Variants in KRAS observed in about 807,000 individuals in gnomAD.
The protein encoded by KRAS is KRas proto-oncogene, GTPase, also known as GTPase KRas.
A neutral mutation model predicts 21.0 loss-of-function variants in KRAS; 1 was observed. The ratio of observed to expected loss-of-function variants is 0.05; its 90% CI spans 0.02 to 0.23. The LOEUF (loss-of-function observed/expected upper bound fraction) is 0.23, where lower values mean the gene tolerates loss of function less well. Among genes scored for constraint, KRAS ranks in the 10% least tolerant of loss-of-function variants. The pLI is 1.00. For missense variants in KRAS, 107 were observed against 221.8 expected (o/e 0.48, Z 3.29); for synonymous variants, 67 against 72.5 (o/e 0.92, Z 0.39).
chr12:25,247,584 C>T (rs1951700750), intron 1 of KRAS, among the ~76,000 whole-genome samples: 1 of 152,172 alleles, frequency 6.6e-6, no homozygotes, highest in South Asian at 2.1e-4. Context: ...ACCCCAACCT[C>T]CCCCCAACCA....
chr12:25,217,027 T>C (rs1338010564), intron 4 of KRAS, among the ~76,000 whole-genome samples: 1 of 152,234 alleles, frequency 6.6e-6, no homozygotes, highest in African/African-American at 2.4e-5. Context: ...AATTTGGGGA[T>C]TGGCATACAT....
chr12:25,216,683 A>G (rs12822857), intron 4 of KRAS, among the ~76,000 whole-genome samples: 74,874 of 151,994 alleles, frequency 0.49, 19,385 homozygotes, highest in East Asian at 0.8. Flanking sequence ...CTTAAACATA[A>G]GAGAGCTATG....
intron 2 of KRAS, among the ~76,000 whole-genome samples, chr12:25,229,313 T>A (rs933331140): frequency 1.3e-5 from 2 of 152,196 alleles, no homozygotes; most frequent in African/African-American, 4.8e-5. Context: ...ATGCATCTAT[T>A]TTATCTATAG....
intron 2 of KRAS, among the ~76,000 whole-genome samples, chr12:25,229,729 T>C (rs1262349233): frequency 6.6e-6 from 1 of 151,854 alleles, no homozygotes. Flanking sequence ...AAAGCAATTA[T>C]TTTCTTAATG....
intron 4 of KRAS, among the ~76,000 whole-genome samples, chr12:25,216,101 T>C (rs922353617): frequency 4.6e-5 from 7 of 152,194 alleles, no homozygotes; most frequent in Non-Finnish European, 1.0e-4. Context: ...ATCTTAAATT[T>C]TAACACCTTT....
At chr12:25,225,579 G>A (rs758076686) in intron 4 of KRAS, 35 bp downstream of exon 4, 13 of 1,601,426 alleles carry the variant, frequency 8.1e-6, no homozygotes, top group Non-Finnish European at 1.0e-5. Flanking sequence ...TGATTTTGCA[G>A]AAAACAGATC....
chr12:25,236,942 T>A (rs1019055624), intron 2 of KRAS, among the ~76,000 whole-genome samples: 1 of 152,096 alleles, frequency 6.6e-6, no homozygotes. Context: ...AACGTGTACA[T>A]AAATGTTTAT....
chr12:25,247,410 G>A lies in KRAS; in HGVS notation c.-11-2015C>T, dbSNP rs528377030. ...ACGGCATAGTTCCCCGCCTTACTCTGCTCTACCTAGACTTATTGGCTGCTT... is the reference window on the plus strand; with the variant it reads ...ACGGCATAGTTCCCCGCCTTACTCTACTCTACCTAGACTTATTGGCTGCTT... On this transcript the variant is annotated intron_variant, in intron 1 of 4. Transcript: ENST00000311936. 2.6e-5 allele frequency among the ~76,000 whole-genome samples: 4 copies of A among 152,286 alleles called. No homozygotes were observed. In the South Asian group the frequency reaches 8.3e-4, roughly 32 times the overall value.
chr12:25,247,792 CCATATCTT>C (rs1951703988), intron 1 of KRAS, among the ~76,000 whole-genome samples: 1 of 152,140 alleles, frequency 6.6e-6, no homozygotes, highest in South Asian at 2.1e-4. Flanking sequence ...ATATAAGAAT[CCATATCTT>C]CTATTAAGCC....
At chr12:25,248,821 T>C (rs550769833) in intron 1 of KRAS, among the ~76,000 whole-genome samples, 48 of 152,212 alleles carry the variant, frequency 3.2e-4, no homozygotes, top group Admixed American at 9.8e-4. Flanking sequence ...TTCATAAAAC[T>C]GAATTACCAT....
intron 4 of KRAS, among the ~76,000 whole-genome samples, chr12:25,216,530 C>G (rs543416065): frequency 4.7e-4 from 71 of 152,268 alleles, no homozygotes; most frequent in Non-Finnish European, 9.9e-4. Flanking sequence ...CCACCTTGGC[C>G]TCCTAAGGGC....
At position 25,207,706 on chromosome 12, in the gene KRAS, T is replaced by A. The variant is rs1328786150; in HGVS notation, c.*2089A>T. On this transcript the variant is annotated 3_prime_UTR_variant, in exon 5 of 5. Coordinates refer to ENST00000311936, the MANE Select transcript of KRAS (RefSeq NM_004985.5). ...AGGGTTCTGTCTATTCATACCAGGTTTGAAAAATCCTACTGTCGCTAATGG... is the reference window on the plus strand; with the variant it reads ...AGGGTTCTGTCTATTCATACCAGGTATGAAAAATCCTACTGTCGCTAATGG... 1 of 232,256 alleles carries A rather than the reference T, an allele frequency of 4.3e-6. No homozygotes were observed. The highest frequency in any genetic ancestry group is 8.5e-6 in the Non-Finnish European group (1 of 117,536). The allele number at this position is 232,256 out of a possible 1,614,324, so 14.4% of individuals were successfully genotyped here. A position where few individuals can be genotyped will look rare whatever the true frequency, so the allele number is the denominator to read the frequency against.
rs779951033 is a variant in KRAS at position 25,215,452 on chromosome 12, T to C, written c.451-5541A>G. On this transcript the variant is annotated intron_variant, in intron 4 of 4. Transcript: ENST00000311936. ...TTAAACTTACCAGATTACATTATAA[T>C]GCATTTTTTAATTTTCACACAGCCA... is the stretch of plus-strand genomic sequence containing the variant. 4 of 1,613,078 alleles carry C rather than the reference T, an allele frequency of 2.5e-6. No homozygotes were observed. Among genetic ancestry groups the C allele is most frequent in the Admixed American group, 3.3e-5 (2 of 60,026 alleles).
At chr12:25,226,336 T>A (rs553061052) in intron 3 of KRAS, among the ~76,000 whole-genome samples, 1 of 152,250 alleles carries the variant, frequency 6.6e-6, no homozygotes, top group Non-Finnish European at 1.5e-5. Context: ...GGGGTGAAAT[T>A]ACATTCCCTC....
intron 2 of KRAS, among the ~76,000 whole-genome samples, chr12:25,238,320 C>CA (rs1199591355): frequency 2.0e-5 from 3 of 152,292 alleles, no homozygotes; most frequent in African/African-American, 7.2e-5. Flanking sequence ...CATTTGCCCA[C>CA]AAGTGATCAC....
rs1951473508 is a variant in KRAS, at chr12:25,231,678, C to T, written c.112-4266G>A. ...CAAAGTTCTGAGACACATTCCGTTT[C>T]AAAGTAATCTATAACCTACTCATAA... On this transcript the variant is annotated intron_variant, in intron 2 of 4. Transcript: ENST00000311936. Among the ~76,000 whole-genome samples, 3 of 152,020 alleles carry T rather than the reference C, an allele frequency of 2.0e-5. No homozygotes were observed. The South Asian group carries it at 6.2e-4, about 32-fold the overall frequency.
chr12:25,233,201 C>T (rs1432798462), intron 2 of KRAS, among the ~76,000 whole-genome samples: 1 of 152,002 alleles, frequency 6.6e-6, no homozygotes, highest in East Asian at 1.9e-4. Flanking sequence ...AGCAGGTATC[C>T]CTGCTGTTAA....
At chr12:25,210,044 T>A in intron 4 of KRAS, 133 bp from the exon 5 acceptor site, 8 of 596,024 alleles carry the variant, frequency 1.3e-5, no homozygotes, top group Non-Finnish European at 2.3e-5. Flanking sequence ...GAATATATAT[T>A]ACATATATTA....
At chr12:25,232,894 T>C (rs535748179) in intron 2 of KRAS, among the ~76,000 whole-genome samples, 2 of 152,320 alleles carry the variant, frequency 1.3e-5, no homozygotes, top group East Asian at 3.9e-4. Flanking sequence ...ACAGTATTTA[T>C]CTAAAGTCAT....
Sources: gnomAD v4.1 joint callset for allele counts (sites outside exome capture counted in the v4.1 genomes callset) on GRCh38, gnomAD v4.1.1 for gene constraint, MANE v1.5 for transcripts, NCBI Gene and HGNC (gene_info 2026-07-23, HGNC 2026-07-21) for gene names.